Variants in SHF observed in about 807,000 individuals in gnomAD.
The protein encoded by SHF is Src homology 2 domain containing F.
Under a neutral mutation model 42.4 loss-of-function variants are expected in SHF, and 30 were observed. The observed-to-expected ratio is 0.71, with a 90% CI of 0.53 to 0.96. SHF has a LOEUF of 0.96. Ranked by LOEUF, SHF falls within the 40% of genes least tolerant of loss-of-function variation. The probability of loss-of-function intolerance (pLI) is 0.00; values close to 1 mark genes in which losing one functional copy is unlikely to be tolerated. For missense variants in SHF, 598 were observed against 634.0 expected, an observed-to-expected ratio of 0.94 and a Z score of 0.61; for synonymous variants, 264 against 269.9, an observed-to-expected ratio of 0.98 and a Z score of 0.21.
intron 6 of SHF, chr15:45,171,294 A>G (rs1029287523): frequency 3.2e-5 from 5 of 154,004 alleles, no homozygotes; most frequent in African/African-American, 1.2e-4. Flanking sequence ...TGCCTCCTCT[A>G]CGTCTTCCAG....
chr15:45,183,597 T>G lies in SHF; in HGVS notation c.498+3857A>C, dbSNP rs138980648. 5.7e-3 allele frequency among the ~76,000 whole-genome samples: 867 copies of G among 152,190 alleles called. 10 individuals carry two copies. The highest frequency in any genetic ancestry group is 0.02 in the African/African-American group (829 of 41,502). On this transcript the variant is annotated intron_variant, in intron 1 of 6. Transcript: ENST00000690270. The stretch of plus-strand genomic sequence containing the variant: ...GACTCTGTGGTGAGGGCTAATGGAG[T>G]GGGCAGCAGGTATCCTCCAAGTCCT...
chr15:45,177,631 C>T (rs751243311), intron 2 of SHF, among the ~76,000 whole-genome samples: 6 of 152,116 alleles, frequency 3.9e-5, no homozygotes, highest in Non-Finnish European at 7.3e-5. Flanking sequence ...GCCTCAGGGC[C>T]GTGGCTTGGA....
intron 6 of SHF, among the ~76,000 whole-genome samples, chr15:45,169,809 T>C (rs1188668131): frequency 6.6e-6 from 1 of 151,816 alleles, no homozygotes; most frequent in Non-Finnish European, 1.5e-5. Context: ...GTCCCAAGGG[T>C]CCATTAGGAC....
upstream of SHF, among the ~76,000 whole-genome samples, chr15:45,192,005 C>T (rs1898720873): frequency 6.6e-6 from 1 of 151,176 alleles, no homozygotes; most frequent in African/African-American, 2.4e-5. Context: ...TTAAATTTTG[C>T]CATATTTGCC....
At chr15:45,189,203 A>G (rs1265641166), upstream of SHF, among the ~76,000 whole-genome samples, 2 of 150,606 alleles carry the variant, frequency 1.3e-5, no homozygotes, top group African/African-American at 2.4e-5. Context: ...AAAAAAAAAA[A>G]AAAAAGAAAA....
upstream of SHF, among the ~76,000 whole-genome samples, chr15:45,191,031 A>G (rs185231203): frequency 3.0e-3 from 451 of 152,100 alleles, 2 homozygotes; most frequent in Non-Finnish European, 3.9e-3. Flanking sequence ...GTCCTCTGAG[A>G]ATTGGGTGGA....
At chr15:45,194,345 T>C (rs960391336) in intron 2 of SHF, among the ~76,000 whole-genome samples, 2 of 151,990 alleles carry the variant, frequency 1.3e-5, no homozygotes, top group African/African-American at 4.8e-5. Flanking sequence ...TCCTGTGTCC[T>C]TCTTCTGTTT....
chr15:45,173,712 G>A lies in SHF; in HGVS notation c.852C>T (p.Asp284=), dbSNP rs1288521896. ...KERISKAFAV[D]IKVIKDLPWP... is the part of the protein sequence containing the mutation. ...AAGGTAGGTCTTTGATGACCTTAAT[G>A]TCAACTGGAGCCAGCAGCAGAAGTG... Residue 284 remains aspartate (D), a synonymous_variant, in exon 4 of 7, where the codon GAC becomes GAT. Transcript: ENST00000690270. 1.9e-6 allele frequency: 3 copies of A among 1,551,754 alleles called. No individual in the cohort carries two copies. Among genetic ancestry groups the A allele is most frequent in the Non-Finnish European group, 1.7e-6 (2 of 1,147,012 alleles).
At chr15:45,178,907 C>G (rs1002130845) in intron 1 of SHF, among the ~76,000 whole-genome samples, 1 of 152,240 alleles carries the variant, frequency 6.6e-6, no homozygotes. Context: ...GAGGAGGCTA[C>G]TGGGCCATAG....
chr15:45,194,956 A>G (rs569164075), intron 2 of SHF, among the ~76,000 whole-genome samples: 1 of 152,004 alleles, frequency 6.6e-6, no homozygotes, highest in Admixed American at 6.6e-5. Flanking sequence ...AGCTGCTCCA[A>G]TAGCTGGGAC....
Position 45,172,294 on chromosome 15 carries a change from C to T in SHF, c.1013G>A (p.Ser338Asn), listed in dbSNP as rs752160990. ...SSAQFEGPEK[S>N]CLSPGREEKG... ...CTCCTCCCGGCCAGGTGACAGGCAG[C>T]TCTTCTCCGGTCCTTCAAACTGGGC... Residue 338 changes from serine (S) to asparagine (N), a missense_variant, in exon 5 of 7, where the codon AGC becomes AAC. Transcript: ENST00000690270. The T allele has an allele frequency of 6.2e-6, 10 of 1,608,732 alleles. No individual in the cohort carries two copies. The highest frequency in any genetic ancestry group is 2.2e-5 in the South Asian group (2 of 90,260).
At chr15:45,174,850 G>A (rs965384487) in intron 3 of SHF, among the ~76,000 whole-genome samples, 1 of 152,206 alleles carries the variant, frequency 6.6e-6, no homozygotes, top group Admixed American at 6.5e-5. Context: ...ATTGTTTGAA[G>A]TAAGTGCCTT....
At position 45,185,512 on chromosome 15, in the gene SHF, C is replaced by T. The variant is rs181667203; in HGVS notation, c.498+1942G>A. Among the ~76,000 whole-genome samples the T allele has an allele frequency of 4.4e-4, 67 of 152,344 alleles. No individual in the cohort carries two copies. The East Asian group carries it at 7.0e-3, about 16-fold the overall frequency. Reference sequence around the variant, plus strand: ...GCCCAGAGAGATAGCATCCCTGCCCCGGGCCAACTCAGATGGCATCCTGGG... The same window carrying T: ...GCCCAGAGAGATAGCATCCCTGCCCTGGGCCAACTCAGATGGCATCCTGGG... On this transcript the variant is annotated intron_variant, in intron 1 of 6. Transcript: ENST00000690270.
rs894821462 is a variant in SHF, at chr15:45,180,232, C to T, written c.499-1926G>A. ...TAGACAAATGTTTCTCCTTGATCAT[C>T]GCCTATCTCCCCTTGGAGCCCTTCA... On this transcript the variant is annotated intron_variant, in intron 1 of 6. Transcript: ENST00000690270. Among the ~76,000 whole-genome samples, 7 of 152,306 alleles carry T rather than the reference C, an allele frequency of 4.6e-5. No homozygotes were observed. The South Asian group carries it at 1.5e-3, about 32-fold the overall frequency.
chr15:45,200,508 C>G (rs1024836013), intron 1 of SHF: 17 of 354,634 alleles, frequency 4.8e-5, no homozygotes, highest in South Asian at 3.7e-4. Context: ...CACAGGACCT[C>G]GGCTTGTCGC....
intron 2 of SHF, among the ~76,000 whole-genome samples, chr15:45,177,568 A>C (rs1897880785): frequency 6.6e-6 from 1 of 152,054 alleles, no homozygotes; most frequent in Non-Finnish European, 1.5e-5. Flanking sequence ...CTAGGTTCCC[A>C]TGCACACCCA....
chr15:45,171,726 G>A, intron 6 of SHF, 157 bp downstream of exon 6: 1 of 726,014 alleles, frequency 1.4e-6, no homozygotes, highest in South Asian at 1.9e-5. Flanking sequence ...AGCTCCTTGA[G>A]AGCAGGGGCT....
chr15:45,170,314 G>A (rs1310172027), intron 6 of SHF: 1 of 1,203,234 alleles, frequency 8.3e-7, no homozygotes, highest in Admixed American at 3.1e-5. Context: ...TATCTTGCAG[G>A]GGAGTAGTTG....
At chr15:45,169,864 C>A (rs1897380369) in intron 6 of SHF, among the ~76,000 whole-genome samples, 1 of 152,210 alleles carries the variant, frequency 6.6e-6, no homozygotes, top group African/African-American at 2.4e-5. Context: ...GGGTTAGGAC[C>A]AGCTGGGCTG....
Sources: allele counts gnomAD v4.1 joint callset (sites outside exome capture counted in the v4.1 genomes callset), GRCh38; gene constraint gnomAD v4.1.1; transcripts MANE v1.5; gene names NCBI Gene and HGNC (gene_info 2026-07-23, HGNC 2026-07-21).